Variants in GSK3B observed in about 807,000 individuals in gnomAD.
GSK3B encodes the protein glycogen synthase kinase 3 beta.
Under a neutral mutation model 56.4 loss-of-function variants are expected in GSK3B, and 15 were observed. The observed-to-expected ratio is 0.27, with a 90% CI of 0.18 to 0.41. GSK3B has a LOEUF of 0.41. Ranked by LOEUF, GSK3B falls within the 10% of genes least tolerant of loss-of-function variation. The pLI, the probability that GSK3B is intolerant of heterozygous loss-of-function variation, is 1.00. For missense variants in GSK3B, 300 were observed against 513.4 expected, an observed-to-expected ratio of 0.58 and a Z score of 4.02; for synonymous variants, 181 against 188.9, an observed-to-expected ratio of 0.96 and a Z score of 0.34.
intron 7 of GSK3B, among the ~76,000 whole-genome samples, chr3:119,894,809 T>C (rs961190608): frequency 1.3e-5 from 2 of 152,184 alleles, no homozygotes; most frequent in African/African-American, 4.8e-5. Context: ...TATGAAAATA[T>C]TGACTAATTG....
Position 119,916,126 on chromosome 3 carries a change from C to T in GSK3B, c.526G>A (p.Gly176Arg). 1 of 1,611,796 alleles carries T rather than the reference C, an allele frequency of 6.2e-7. No individual in the cohort carries two copies. The highest frequency in any genetic ancestry group is 1.7e-4 in the Middle Eastern group (1 of 6,056). The change falls in exon 5 of 11, where the codon GGA (glycine) becomes AGA (arginine). Residue 176 changes from glycine (G) to arginine (R), a missense_variant. This residue lies in a region of GSK3B where 39 missense variants were observed against 154.6 expected (regional missense o/e 0.25). Coordinates refer to ENST00000264235, the MANE Select transcript of GSK3B (RefSeq NM_001146156.2). The stretch of plus-strand genomic sequence containing the variant: ...GGTTTAATATCCCGATGGCAGATTC[C>T]AAAGGAATGGATATAGGCTAAACTT... ...FRSLAYIHSF[G>R]ICHRDIKPQN...
At chr3:119,922,491 TCTAG>T (rs1487256592) in intron 4 of GSK3B, among the ~76,000 whole-genome samples, 15 of 148,166 alleles carry the variant, frequency 1.0e-4, no homozygotes, top group Non-Finnish European at 1.8e-4. Flanking sequence ...GCCAAAGTAA[TCTAG>T]CTAACAAAAG....
intron 1 of GSK3B, chr3:120,029,091 G>T: frequency 1.3e-6 from 1 of 780,010 alleles, no homozygotes; most frequent in South Asian, 1.6e-5. Context: ...CTACTATTTG[G>T]CAATATGAAT....
At chr3:119,980,377 A>T (rs1042916638) in intron 2 of GSK3B, among the ~76,000 whole-genome samples, 12 of 151,982 alleles carry the variant, frequency 7.9e-5, no homozygotes, top group Non-Finnish European at 1.8e-4. Context: ...TTTAAGACAG[A>T]GTTTCGCTCT....
intron 3 of GSK3B, among the ~76,000 whole-genome samples, chr3:119,932,372 G>A (rs2056954778): frequency 6.6e-6 from 1 of 152,174 alleles, no homozygotes. Context: ...GATTAGGTAA[G>A]AGAATACCTT....
At chr3:119,912,650 C>T in intron 6 of GSK3B, 54 bp downstream of exon 6, 1 of 782,570 alleles carries the variant, frequency 1.3e-6, no homozygotes, top group Non-Finnish European at 2.2e-6. Context: ...ACTAAATTAC[C>T]AAAATCAAGA....
At chr3:119,898,465 A>C (rs2056592064) in intron 7 of GSK3B, among the ~76,000 whole-genome samples, 1 of 152,168 alleles carries the variant, frequency 6.6e-6, no homozygotes, top group Non-Finnish European at 1.5e-5. Flanking sequence ...CACTACTGTA[A>C]GATTTAGGGG....
chr3:120,032,762 A>G (rs2057988406), intron 1 of GSK3B, among the ~76,000 whole-genome samples: 2 of 152,246 alleles, frequency 1.3e-5, no homozygotes, highest in African/African-American at 4.8e-5. Flanking sequence ...ATTCTACTTT[A>G]TAACATCTCA....
chr3:120,059,122 TA>T (rs1225298203), intron 1 of GSK3B, among the ~76,000 whole-genome samples: 1 of 152,152 alleles, frequency 6.6e-6, no homozygotes, highest in Non-Finnish European at 1.5e-5. Context: ...AGCAAATTGA[TA>T]TTAAATTATG....
At chr3:120,083,887 T>C (rs2058442268) in intron 1 of GSK3B, among the ~76,000 whole-genome samples, 1 of 152,218 alleles carries the variant, frequency 6.6e-6, no homozygotes, top group South Asian at 2.1e-4. Context: ...TGGCCATGTA[T>C]TACATAAATC....
At chr3:119,859,186 A>AT (rs1559811165) in intron 9 of GSK3B, among the ~76,000 whole-genome samples, 1 of 147,228 alleles carries the variant, frequency 6.8e-6, no homozygotes, top group African/African-American at 2.6e-5. Context: ...TGTGTATATA[A>AT]AAAAAAAAAA....
intron 6 of GSK3B, among the ~76,000 whole-genome samples, chr3:119,909,423 T>C (rs916864290): frequency 1.3e-5 from 2 of 152,234 alleles, no homozygotes; most frequent in Admixed American, 6.5e-5. Context: ...AGAAACAATA[T>C]GTAAGAGTAA....
At chr3:120,011,161 T>C (rs1181597589) in intron 1 of GSK3B, among the ~76,000 whole-genome samples, 1 of 152,198 alleles carries the variant, frequency 6.6e-6, no homozygotes, top group Non-Finnish European at 1.5e-5. Flanking sequence ...CCAAAAATTA[T>C]GTTTTTCTAC....
Position 120,027,420 on chromosome 3 carries a change from T to C in GSK3B, c.89-25181A>G, listed in dbSNP as rs570790033. Among the ~76,000 whole-genome samples the C allele has an allele frequency of 1.6e-4, 24 of 151,620 alleles. No homozygotes were observed. The East Asian group carries it at 4.4e-3, about 28-fold the overall frequency. Reference sequence around the variant, plus strand: ...GCAGAGCAACAAAAATGAAACCCTATTCTTTGACCCAGTACTTCCCTTTCT... The same window carrying C: ...GCAGAGCAACAAAAATGAAACCCTACTCTTTGACCCAGTACTTCCCTTTCT... On this transcript the variant is annotated intron_variant, in intron 1 of 10. Transcript: ENST00000264235.
At chr3:119,958,487 A>T (rs1198117047) in intron 2 of GSK3B, among the ~76,000 whole-genome samples, 1 of 152,038 alleles carries the variant, frequency 6.6e-6, no homozygotes, top group Non-Finnish European at 1.5e-5. Context: ...GACCAGCCTG[A>T]CAACACAGGG....
chr3:120,007,204 C>T (rs182463619), intron 1 of GSK3B, among the ~76,000 whole-genome samples: 2 of 152,252 alleles, frequency 1.3e-5, no homozygotes, highest in African/African-American at 4.8e-5. Flanking sequence ...CCTCCCAAGA[C>T]TAAACCAGGA....
intron 3 of GSK3B, among the ~76,000 whole-genome samples, chr3:119,944,025 G>C (rs1576218563): frequency 6.6e-6 from 1 of 152,002 alleles, no homozygotes; most frequent in Non-Finnish European, 1.5e-5. Flanking sequence ...AAGAGGGAAA[G>C]AAAGTCAGAG....
chr3:119,826,896 T>C lies in GSK3B; in HGVS notation c.1196-41A>G, dbSNP rs200348480. The C allele has an allele frequency of 1.1e-5, 13 of 1,236,734 alleles. No individual in the cohort carries two copies. In the East Asian group the frequency reaches 3.0e-4, roughly 29 times the overall value. The allele number at this position is 1,236,734 out of a possible 1,614,324, so 76.6% of individuals were successfully genotyped here. ...TCCCAAGAGAGAGCATGAGCAATGCTATAACAACAAAAGAGAACAAGTACA... is the reference window on the plus strand; with the variant it reads ...TCCCAAGAGAGAGCATGAGCAATGCCATAACAACAAAAGAGAACAAGTACA... On this transcript the variant is annotated intron_variant, in intron 10 of 10. Transcript: ENST00000264235.
intron 8 of GSK3B, among the ~76,000 whole-genome samples, chr3:119,865,030 T>C (rs554623087): frequency 1.3e-5 from 2 of 152,304 alleles, no homozygotes; most frequent in Non-Finnish European, 2.9e-5. Context: ...TTAGAGTTAC[T>C]GTCGAATTTG....
Sources: allele counts gnomAD v4.1 joint callset (sites outside exome capture counted in the v4.1 genomes callset), GRCh38; gene constraint gnomAD v4.1.1; regional missense constraint gnomAD v4.1.1; transcripts MANE v1.5; gene names NCBI Gene and HGNC (gene_info 2026-07-23, HGNC 2026-07-21).